Variants in ATP2A1 observed in about 807,000 individuals in gnomAD.
The protein encoded by ATP2A1 is ATPase sarcoplasmic/endoplasmic reticulum Ca2+ transporting 1.
A neutral mutation model predicts 109.5 loss-of-function variants in ATP2A1; 83 were observed. That is an observed-to-expected ratio of 0.76 (90% CI 0.63 to 0.91). ATP2A1 has a LOEUF of 0.91. Among genes scored for constraint, ATP2A1 ranks in the 40% least tolerant of loss-of-function variants. The probability of loss-of-function intolerance (pLI) is 0.00; values close to 1 mark genes in which losing one functional copy is unlikely to be tolerated. For missense variants in ATP2A1, 1,101 were observed against 1,341.0 expected (o/e 0.82, Z 2.80); for synonymous variants, 505 against 537.6 (o/e 0.94, Z 0.84).
chr16:28,879,850 G>A lies in ATP2A1; in HGVS notation c.219+267G>A, dbSNP rs1023131105. 1.0e-5 allele frequency: 6 copies of A among 584,774 alleles called. No homozygotes were observed. In the Admixed American group the frequency reaches 2.2e-4, roughly 21 times the overall value. 36.2% of individuals were successfully genotyped at this position (584,774 alleles called of 1,614,324 possible). On this transcript the variant is annotated intron_variant, in intron 3 of 22. Transcript: ENST00000395503. ...ACCCTCGCGGCTTCAAGAGCTTGGAGAGCTCGGGTTACCCACCCGAACTCC... is the reference window on the plus strand; with the variant it reads ...ACCCTCGCGGCTTCAAGAGCTTGGAAAGCTCGGGTTACCCACCCGAACTCC...
chr16:28,890,686 T>C (rs1406909791), intron 9 of ATP2A1, among the ~76,000 whole-genome samples: 1 of 151,858 alleles, frequency 6.6e-6, no homozygotes, highest in Admixed American at 6.6e-5. Context: ...TTTTTTTGTT[T>C]GTTTTTTTTT....
intron 9 of ATP2A1, among the ~76,000 whole-genome samples, chr16:28,893,610 C>CCAGCA (rs1276316593): frequency 6.6e-6 from 1 of 151,432 alleles, no homozygotes; most frequent in Non-Finnish European, 1.5e-5. Context: ...TACAGAAGCT[C>CCAGCA]CAGCACAGCA....
In ATP2A1 at chr16:28,904,345, G is replaced by T; in HGVS notation, c.*203G>T. 6.5e-7 allele frequency: 1 copy of T among 1,548,512 alleles called. No individual in the cohort carries two copies. Among genetic ancestry groups the T allele is most frequent in the Non-Finnish European group, 8.7e-7 (1 of 1,151,996 alleles). On this transcript the variant is annotated 3_prime_UTR_variant, in exon 23 of 23. Coordinates refer to ENST00000395503, the MANE Select transcript of ATP2A1 (RefSeq NM_004320.6). ...GTCCCCTTCCCTTTCCTTCCCCCTC[G>T]GCCACCCGCCTCCCTCTCAACCTTG...
chr16:28,888,417 T>C (rs1459215619), intron 8 of ATP2A1, among the ~76,000 whole-genome samples: 1 of 152,090 alleles, frequency 6.6e-6, no homozygotes, highest in Non-Finnish European at 1.5e-5. Flanking sequence ...ATTGTTTGTT[T>C]GTTTAATAGA....
In ATP2A1 at chr16:28,902,959, C is replaced by T; in HGVS notation, c.2744+48C>T. Reference sequence around the variant, plus strand: ...CACCACCCTCCCCTGAGGCCACTGCCCACATCCTCCACTGTGCCGCCCACC... The same window carrying T: ...CACCACCCTCCCCTGAGGCCACTGCTCACATCCTCCACTGTGCCGCCCACC... On this transcript the variant is annotated intron_variant, in intron 19 of 22. Transcript: ENST00000395503. This position sits in a 1 kb window ranked among gnomAD's most constrained non-coding sequence, Gnocchi z 4.8. 6.2e-7 allele frequency: 1 copy of T among 1,613,658 alleles called. No homozygotes were observed. Among genetic ancestry groups the T allele is most frequent in the Non-Finnish European group, 8.5e-7 (1 of 1,179,918 alleles).
chr16:28,899,533 GGAGGCTGA>G (rs1431317722), intron 14 of ATP2A1, among the ~76,000 whole-genome samples: 49 of 151,846 alleles, frequency 3.2e-4, no homozygotes, highest in Non-Finnish European at 1.3e-4. Flanking sequence ...CAGCTACTCT[GGAGGCTGA>G]GGCAGGAGAA....
chr16:28,901,733 G>A, intron 15 of ATP2A1, 130 bp from the exon 16 acceptor site: 1 of 814,612 alleles, frequency 1.2e-6, no homozygotes, highest in East Asian at 2.7e-5. Context: ...GAGGCAGGAG[G>A]ATTGCTTGAG....
Position 28,902,569 on chromosome 16 carries a change from C to T in ATP2A1, c.2525-11C>T. The stretch of plus-strand genomic sequence containing the variant: ...CAGCCCTGACCCCCGACTCCCCTCT[C>T]TCCACCACAGGCTATGTGGGTGCAG... On this transcript the variant is annotated splice_polypyrimidine_tract_variant and intron_variant, in intron 17 of 22. Transcript: ENST00000395503. This position sits in a 1 kb window ranked among gnomAD's most constrained non-coding sequence, Gnocchi z 4.8. The T allele has an allele frequency of 6.2e-7, 1 of 1,613,978 alleles. No individual in the cohort carries two copies. Among genetic ancestry groups the T allele is most frequent in the Non-Finnish European group, 8.5e-7 (1 of 1,179,864 alleles).
Position 28,880,988 on chromosome 16 carries a change from T to C in ATP2A1, c.293T>C (p.Leu98Pro). 6.2e-7 allele frequency: 1 copy of C among 1,614,218 alleles called. No homozygotes were observed. Among genetic ancestry groups the C allele is most frequent in the South Asian group, 1.1e-5 (1 of 91,086 alleles). Reference protein sequence around the residue: ...FVEPFVILLILIANAIVGVWQ... With the variant: ...FVEPFVILLIPIANAIVGVWQ... ...GAACCCTTTGTCATCCTCTTGATCC[T>C]CATTGCCAATGCCATCGTGGGGGTT... The change falls in exon 4 of 23, where the codon CTC becomes CCC. Residue 98 changes from leucine (L) to proline (P), a missense_variant. Coordinates refer to ENST00000395503, the MANE Select transcript of ATP2A1 (RefSeq NM_004320.6). The surrounding 1 kb of genome is among the most constrained non-coding windows in gnomAD (Gnocchi z 4.2).
intron 3 of ATP2A1, chr16:28,879,828 C>A: frequency 1.6e-6 from 1 of 631,652 alleles, no homozygotes; most frequent in Non-Finnish European, 2.6e-6. Flanking sequence ...CTAAGCCACC[C>A]TCGCGGCTTC....
chr16:28,896,850 C>T (rs979064431), intron 12 of ATP2A1, among the ~76,000 whole-genome samples: 7 of 151,696 alleles, frequency 4.6e-5, no homozygotes, highest in East Asian at 3.9e-4. Flanking sequence ...CGTGCCACCA[C>T]GCCTGGCTGA....
Position 28,880,802 on chromosome 16 carries a change from C to T in ATP2A1, c.220-113C>T, listed in dbSNP as rs1206677451. 1 of 1,071,618 alleles carries T rather than the reference C, an allele frequency of 9.3e-7. No homozygotes were observed. The highest frequency in any genetic ancestry group is 1.4e-6 in the Non-Finnish European group (1 of 695,888). 66.4% of individuals were successfully genotyped at this position (1,071,618 alleles called of 1,614,324 possible). A position where few individuals can be genotyped will look rare whatever the true frequency, so the allele number is the denominator to read the frequency against. ...AGCGCCCCGACGGTGCCCGGCCCTC[C>T]TGCTGGCTCCTGCACTCTCCTGCAC... On this transcript the variant is annotated intron_variant, in intron 3 of 22. Transcript: ENST00000395503. This position sits in a 1 kb window ranked among gnomAD's most constrained non-coding sequence, Gnocchi z 4.2.
intron 14 of ATP2A1, among the ~76,000 whole-genome samples, chr16:28,899,964 C>CA (rs1178110196): frequency 7.7e-6 from 1 of 129,826 alleles, no homozygotes; most frequent in African/African-American, 3.0e-5. Flanking sequence ...GAGTCCATCT[C>CA]AAAAAACAAA....
At chr16:28,895,397 C>A (rs1399705220) in intron 12 of ATP2A1, among the ~76,000 whole-genome samples, 1 of 152,214 alleles carries the variant, frequency 6.6e-6, no homozygotes, top group African/African-American at 2.4e-5. Context: ...AGGACTGTCA[C>A]TCCCAGTTAT....
At position 28,904,255 on chromosome 16, in the gene ATP2A1, C is replaced by T. The variant is rs1359196669; in HGVS notation, c.*113C>T. 1.9e-6 allele frequency: 3 copies of T among 1,613,338 alleles called. No homozygotes were observed. The highest frequency in any genetic ancestry group is 2.7e-5 in the African/African-American group (2 of 74,886). On this transcript the variant is annotated 3_prime_UTR_variant, in exon 23 of 23. Transcript: ENST00000395503. ...ACCCCGATAGTGACACATCTTCAGG[C>T]AGAGCTGTGGCACAGACCCCCGTCC...
intron 9 of ATP2A1, among the ~76,000 whole-genome samples, chr16:28,893,276 G>A (rs2152208468): frequency 1.3e-5 from 2 of 151,408 alleles, no homozygotes; most frequent in South Asian, 2.1e-4. Flanking sequence ...ATGGTGGCAT[G>A]TGCCTGTGGC....
rs1596691324 is a variant in ATP2A1 at position 28,904,294 on chromosome 16, C to T, written c.*152C>T. 1.2e-5 allele frequency: 19 copies of T among 1,610,804 alleles called. No individual in the cohort carries two copies. The highest frequency in any genetic ancestry group is 2.2e-5 in the East Asian group (1 of 44,760). On this transcript the variant is annotated 3_prime_UTR_variant, in exon 23 of 23. Transcript: ENST00000395503. Reference sequence around the variant, plus strand: ...AGACCCCCGTCCTGTCCCCCACACCCGTGTCATGTGTCTGTTTATAAACAT... The same window carrying T: ...AGACCCCCGTCCTGTCCCCCACACCTGTGTCATGTGTCTGTTTATAAACAT...
chr16:28,886,872 C>T (rs912005052), intron 6 of ATP2A1, among the ~76,000 whole-genome samples: 5 of 151,606 alleles, frequency 3.3e-5, no homozygotes, highest in Non-Finnish European at 4.4e-5. Flanking sequence ...ACAGCATGTG[C>T]CTGTAATCCC....
At chr16:28,897,469 A>C (rs1465245864) in intron 12 of ATP2A1, among the ~76,000 whole-genome samples, 3 of 152,232 alleles carry the variant, frequency 2.0e-5, no homozygotes, top group Non-Finnish European at 4.4e-5. Context: ...ACTTCAGCCT[A>C]GGAGACAGCG....
Sources: gnomAD v4.1 joint callset for allele counts (sites outside exome capture counted in the v4.1 genomes callset) on GRCh38, gnomAD v4.1.1 for gene constraint, Gnocchi (gnomAD v3.1) non-coding constraint, MANE v1.5 for transcripts, NCBI Gene and HGNC (gene_info 2026-07-23, HGNC 2026-07-21) for gene names.